Variants in CCDC146 observed in about 807,000 individuals in gnomAD.
The protein encoded by CCDC146 is coiled-coil domain containing 146.
In CCDC146, 92 loss-of-function variants were observed where a neutral mutation model predicts 119.3. That is an observed-to-expected ratio of 0.77 (90% CI 0.65 to 0.92). The LOEUF (loss-of-function observed/expected upper bound fraction) is 0.92, where lower values mean the gene tolerates loss of function less well. Among genes scored for constraint, CCDC146 ranks in the 40% least tolerant of loss-of-function variants. The pLI, the probability that CCDC146 is intolerant of heterozygous loss-of-function variation, is 0.00. For missense variants in CCDC146, 1,000 were observed against 1,103.0 expected, an observed-to-expected ratio of 0.91 and a Z score of 1.32; for synonymous variants, 372 against 371.8, an observed-to-expected ratio of 1.00 and a Z score of -0.01.
At chr7:77,155,991 C>T (rs977874799) in intron 1 of CCDC146, among the ~76,000 whole-genome samples, 1 of 151,852 alleles carries the variant, frequency 6.6e-6, no homozygotes, top group African/African-American at 2.4e-5. Context: ...TGGGTCTGTG[C>T]TTGGGGTATG....
intron 4 of CCDC146, among the ~76,000 whole-genome samples, chr7:77,251,031 T>C (rs1212268362): frequency 7.8e-6 from 1 of 128,320 alleles, no homozygotes; most frequent in Admixed American, 8.0e-5. Context: ...GTGTGTTTGG[T>C]TGTTTGTTTT....
intron 2 of CCDC146, chr7:77,199,901 G>A (rs1242386881): frequency 6.1e-5 from 82 of 1,342,494 alleles, no homozygotes; most frequent in East Asian, 1.9e-4. Context: ...GGGTGGGAGC[G>A]TTTGCATCAC....
intron 2 of CCDC146, among the ~76,000 whole-genome samples, chr7:77,230,058 T>C (rs997573668): frequency 9.9e-5 from 15 of 152,236 alleles, no homozygotes; most frequent in Admixed American, 2.6e-4. Flanking sequence ...ATGTGGCCTT[T>C]GGTGTCTTGC....
intron 8 of CCDC146, among the ~76,000 whole-genome samples, chr7:77,261,895 T>A (rs1793306905): frequency 6.6e-6 from 1 of 152,354 alleles, no homozygotes; most frequent in South Asian, 2.1e-4. Context: ...TGAATAGCAC[T>A]GTGATGAGCA....
intron 1 of CCDC146, among the ~76,000 whole-genome samples, chr7:77,130,740 A>G (rs1471459428): frequency 7.3e-6 from 1 of 136,404 alleles, no homozygotes; most frequent in Admixed American, 7.3e-5. Flanking sequence ...CTGGGACTAC[A>G]GGCGCGCGCC....
At chr7:77,278,673 A>C (rs1793703482) in intron 11 of CCDC146, 79 bp from the exon 12 acceptor site, 6 of 988,382 alleles carry the variant, frequency 6.1e-6, no homozygotes, top group Non-Finnish European at 7.7e-6. Context: ...AATTGTCTTT[A>C]ATGGAAGGGA....
chr7:77,262,888 C>T (rs1793328043), intron 9 of CCDC146, among the ~76,000 whole-genome samples: 1 of 152,208 alleles, frequency 6.6e-6, no homozygotes, highest in South Asian at 2.1e-4. Flanking sequence ...GCTCTCTTTT[C>T]TCTCAGAGGG....
intron 2 of CCDC146, among the ~76,000 whole-genome samples, chr7:77,214,936 A>G (rs1792268204): frequency 6.6e-6 from 1 of 152,110 alleles, no homozygotes. Context: ...TAGTGATGTT[A>G]CCTGCTATTA....
chr7:77,175,822 C>T (rs1791491333), intron 2 of CCDC146, among the ~76,000 whole-genome samples: 1 of 151,360 alleles, frequency 6.6e-6, no homozygotes, highest in Admixed American at 6.6e-5. Context: ...TTTTGAGCAC[C>T]TCCTGTGCTG....
At chr7:77,268,892 T>A (rs1793457283) in intron 9 of CCDC146, among the ~76,000 whole-genome samples, 1 of 152,214 alleles carries the variant, frequency 6.6e-6, no homozygotes, top group South Asian at 2.1e-4. Flanking sequence ...TGAAGCCATT[T>A]TTTTTTCCAT....
At chr7:77,123,563 C>A (rs185991238) in intron 1 of CCDC146, among the ~76,000 whole-genome samples, 4 of 152,094 alleles carry the variant, frequency 2.6e-5, no homozygotes, top group South Asian at 2.1e-4. Flanking sequence ...CTCTGTGCCC[C>A]TACTTCCTCC....
rs1272280986 is a variant in CCDC146, at chr7:77,196,465, G to T, written c.156+28641G>T. 1.2e-6 allele frequency: 2 copies of T among 1,614,100 alleles called. No homozygotes were observed. Among genetic ancestry groups the T allele is most frequent in the South Asian group, 1.1e-5 (1 of 91,082 alleles). ...CAGAAAGACATGCATCAAACCACCA[G>T]CCTGAACTGTAGTACAGCCCACAGT... On this transcript the variant is annotated intron_variant, in intron 2 of 18. Transcript: ENST00000285871. The surrounding 1 kb of genome is among the most constrained non-coding windows in gnomAD (Gnocchi z 4.2).
At chr7:77,265,517 G>T (rs932015367) in intron 9 of CCDC146, among the ~76,000 whole-genome samples, 1 of 151,724 alleles carries the variant, frequency 6.6e-6, no homozygotes, top group Non-Finnish European at 1.5e-5. Context: ...GCTCAAGAAG[G>T]GTTATACATT....
chr7:77,246,414 C>T (rs1054553805), intron 4 of CCDC146: 5 of 152,210 alleles, frequency 3.3e-5, no homozygotes, highest in Admixed American at 2.0e-4. Context: ...AAACCAAAAG[C>T]CTTTTGACGT....
chr7:77,173,890 C>T (rs1049913001), intron 2 of CCDC146, among the ~76,000 whole-genome samples: 3 of 152,134 alleles, frequency 2.0e-5, no homozygotes, highest in Non-Finnish European at 4.4e-5. Context: ...TTTATGTATG[C>T]CTATAACCAA....
rs779950824 is a variant in CCDC146, at chr7:77,280,402, T to A, written c.1695-27T>A. The A allele has an allele frequency of 1.8e-5, 27 of 1,527,500 alleles. No homozygotes were observed. The South Asian group carries it at 3.0e-4, about 17-fold the overall frequency. The allele number at this position is 1,527,500 out of a possible 1,614,324, so 94.6% of individuals were successfully genotyped here. On this transcript the variant is annotated intron_variant, in intron 13 of 18. Transcript: ENST00000285871. ...AAATAAACTAAAGAAAATTATAATC[T>A]TACCCATTGTCTTATTACTTTAAAA...
At chr7:77,190,249 A>G (rs890924865) in intron 2 of CCDC146, among the ~76,000 whole-genome samples, 2 of 152,234 alleles carry the variant, frequency 1.3e-5, no homozygotes, top group Non-Finnish European at 2.9e-5. Flanking sequence ...AGACTCAAAC[A>G]TGTCTTCTCA....
intron 11 of CCDC146, 100 bp from the exon 12 acceptor site, chr7:77,278,652 C>G: frequency 2.4e-6 from 2 of 839,260 alleles, no homozygotes; most frequent in African/African-American, 3.4e-5. Flanking sequence ...ACTATGTTGC[C>G]TAGGCTGGAG....
intron 2 of CCDC146, among the ~76,000 whole-genome samples, chr7:77,173,660 C>G (rs1203440021): frequency 6.6e-6 from 1 of 152,150 alleles, no homozygotes; most frequent in Non-Finnish European, 1.5e-5. Context: ...TGTTTGGAAA[C>G]CAAGCCACAC....
Sources: allele counts gnomAD v4.1 joint callset (sites outside exome capture counted in the v4.1 genomes callset), GRCh38; gene constraint gnomAD v4.1.1; non-coding constraint Gnocchi (gnomAD v3.1); transcripts MANE v1.5; gene names NCBI Gene and HGNC (gene_info 2026-07-23, HGNC 2026-07-21).